The following C11orf91 variants were observed in gnomAD, a reference collection of about 807,000 sequenced individuals.
C11orf91 encodes chromosome 11 open reading frame 91, also known as uncharacterized protein C11orf91.
In C11orf91, 10 loss-of-function variants were observed where a neutral mutation model predicts 14.3. The ratio of observed to expected loss-of-function variants is 0.70; its 90% CI spans 0.43 to 1.18. The LOEUF (loss-of-function observed/expected upper bound fraction) is 1.18. Ranked by LOEUF, C11orf91 falls within the 50% of genes most tolerant of loss-of-function variation. The probability of loss-of-function intolerance (pLI) is 0.00; values close to 1 mark genes in which losing one functional copy is unlikely to be tolerated. For synonymous variants in C11orf91, 141 were observed against 130.6 expected (o/e 1.08, Z -0.54); for missense variants, 236 against 269.0 (o/e 0.88, Z 0.86).
chr11:33,701,845 T>A (rs1350466639), upstream of C11orf91, among the ~76,000 whole-genome samples: 3 of 151,728 alleles, frequency 2.0e-5, no homozygotes, highest in African/African-American at 7.3e-5. Context: ...TGCTTGACTT[T>A]TAAGTAGGTT....
upstream of C11orf91, among the ~76,000 whole-genome samples, chr11:33,701,722 T>C (rs940278674): frequency 4.0e-5 from 6 of 150,794 alleles, no homozygotes; most frequent in Non-Finnish European, 7.4e-5. Flanking sequence ...GTTAAATATA[T>C]ATATGCATAT....
rs1853096117 is a variant in C11orf91, at chr11:33,700,143, G to A, written c.496+102C>T. The A allele has an allele frequency of 6.2e-6, 8 of 1,288,530 alleles. No individual in the cohort carries two copies. The South Asian group carries it at 1.2e-4, about 19-fold the overall frequency. The allele number at this position is 1,288,530 out of a possible 1,614,324, so 79.8% of individuals were successfully genotyped here. On this transcript the variant is annotated intron_variant, in intron 1 of 1. Transcript: ENST00000379011. ...GATTTTGGATCTGGGACTACTGGGG[G>A]CTGGAGTCAAACCAGGCTACATTTC...
chr11:33,702,849 G>A, upstream of C11orf91: 1 of 189,534 alleles, frequency 5.3e-6, no homozygotes, highest in Non-Finnish European at 1.2e-5. Flanking sequence ...TATGTATTTG[G>A]CTGTGCGGCT....
At position 33,698,462 on chromosome 11, in the gene C11orf91, C is replaced by T. The variant is rs186192966; in HGVS notation, c.549G>A (p.Lys183=). The T allele has an allele frequency of 1.5e-5, 23 of 1,537,568 alleles. No individual in the cohort carries two copies. The African/African-American group carries it at 3.1e-4, about 21-fold the overall frequency. The change falls in exon 2 of 2, where the codon AAG becomes AAA. Residue 183 remains lysine, a synonymous_variant. Coordinates refer to ENST00000379011, the MANE Select transcript of C11orf91 (RefSeq NM_001166692.2). ...GAGAGGCCGACTTCTTTCCAGGTTG[C>T]TTGGTCTTCAGTCCTTGTAACTTTT... is the stretch of plus-strand genomic sequence containing the variant. ...KDEKLQGLKT[K]QPGKKSASLS
At chr11:33,700,843 G>T, upstream of C11orf91, 1 of 1,126,068 alleles carries the variant, frequency 8.9e-7, no homozygotes, top group Non-Finnish European at 1.1e-6. Flanking sequence ...CGCCCCGATG[G>T]AGCGCGGCCC....
upstream of C11orf91, among the ~76,000 whole-genome samples, chr11:33,702,242 C>T (rs1679495261): frequency 1.3e-5 from 2 of 152,076 alleles, no homozygotes; most frequent in Admixed American, 1.3e-4. Context: ...CTCTTGAGGC[C>T]AAGAGTTTGA....
chr11:33,699,667 C>A (rs1853087875), intron 1 of C11orf91: 1 of 456,194 alleles, frequency 2.2e-6, no homozygotes, highest in Non-Finnish European at 4.4e-6. Context: ...GGTGAGAGAA[C>A]TACCGGCGCC....
chr11:33,699,849 G>T (rs1410797024), intron 1 of C11orf91, among the ~76,000 whole-genome samples: 1 of 152,224 alleles, frequency 6.6e-6, no homozygotes, highest in Non-Finnish European at 1.5e-5. Flanking sequence ...CCCCGGTTTA[G>T]GACCGAACAT....
intron 1 of C11orf91, among the ~76,000 whole-genome samples, chr11:33,699,830 C>T (rs117358788): frequency 6.6e-6 from 1 of 152,194 alleles, no homozygotes; most frequent in African/African-American, 2.4e-5. Flanking sequence ...ACCTTCCCCC[C>T]ATGGAGAGCC....
At position 33,698,446 on chromosome 11, in the gene C11orf91, A is replaced by G. The variant is rs1853061975; in HGVS notation, c.565T>C (p.Ser189Pro). The G allele has an allele frequency of 1.3e-6, 2 of 1,537,278 alleles. No individual in the cohort carries two copies. Among genetic ancestry groups the G allele is most frequent in the Non-Finnish European group, 1.7e-6 (2 of 1,146,726 alleles). ...GLKTKQPGKK[S>P]ASLS ...GCAGCTCCTCAGGAGAGAGAGGCCG[A>G]CTTCTTTCCAGGTTGCTTGGTCTTC... is the stretch of plus-strand genomic sequence containing the variant. The change falls in exon 2 of 2, where the codon TCG becomes CCG. Residue 189 changes from serine to proline, a missense_variant. Coordinates refer to ENST00000379011, the MANE Select transcript of C11orf91 (RefSeq NM_001166692.2).
At chr11:33,703,505 C>A (rs547033862), upstream of C11orf91, 10 of 152,254 alleles carry the variant, frequency 6.6e-5, no homozygotes, top group African/African-American at 2.4e-4. Context: ...AGCTTCCTAA[C>A]GCCCCTGCTC....
chr11:33,699,155 T>A (rs937844412), intron 1 of C11orf91, among the ~76,000 whole-genome samples: 1 of 152,070 alleles, frequency 6.6e-6, no homozygotes, highest in African/African-American at 2.4e-5. Context: ...GAATACATAG[T>A]ATTATGTATG....
At chr11:33,698,638 T>C (rs1410569762) in intron 1 of C11orf91, 124 bp from the exon 2 acceptor site, 12 of 678,190 alleles carry the variant, frequency 1.8e-5, no homozygotes, top group South Asian at 1.7e-4. Context: ...TGATCCAAGA[T>C]GGGAGAGAAA....
At chr11:33,706,031 G>A in the C11orf91 span, 2 of 152,030 alleles carry the variant, frequency 1.3e-5, no homozygotes, top group Admixed American at 6.6e-5. Flanking sequence ...TAGGGAAACC[G>A]ATCACAGAAA....
In C11orf91 at chr11:33,700,358, G is replaced by A. The variant is rs888280078; in HGVS notation, c.383C>T (p.Ser128Leu). Reference protein sequence around the residue: ...VVASPLVPCPSTPRLASASHP... With the variant: ...VVASPLVPCPLTPRLASASHP... ...GGAGGCAGAGGCGAGCCTGGGGGTC[G>A]AGGGGCAGGGGACCAGGGGCGAGGC... Residue 128 changes from serine (S) to leucine (L), a missense_variant, in exon 1 of 2, where the codon TCG becomes TTG. Physicochemically the swap from Ser to Leu is moderately radical, Grantham distance 145. Transcript: ENST00000379011. The A allele has an allele frequency of 2.6e-6, 4 of 1,535,176 alleles. No individual in the cohort carries two copies. The African/African-American group carries it at 5.5e-5, about 21-fold the overall frequency.
In C11orf91 at chr11:33,700,439, A is replaced by T. The variant is rs1246108146; in HGVS notation, c.302T>A (p.Ile101Asn). ...PSPWPSGLAS[I>N]PYEPLRFFYS... ...GAAGAAGCGCAGAGGCTCGTAGGGG[A>T]TGGAGGCCAGGCCGGAGGGCCAGGG... The change falls in exon 1 of 2, where the codon ATC becomes AAC. Residue 101 changes from isoleucine to asparagine, a missense_variant. Physicochemically the swap from Ile to Asn is moderately radical, Grantham distance 149 (BLOSUM62 -3). Transcript: ENST00000379011. 4.7e-6 allele frequency: 6 copies of T among 1,278,684 alleles called. No individual in the cohort carries two copies. The highest frequency in any genetic ancestry group is 5.1e-6 in the Non-Finnish European group (5 of 988,472). 79.2% of individuals were successfully genotyped at this position (1,278,684 alleles called of 1,614,324 possible).
upstream of C11orf91, among the ~76,000 whole-genome samples, chr11:33,701,654 C>G (rs183401387): frequency 3.9e-5 from 6 of 152,178 alleles, no homozygotes; most frequent in African/African-American, 1.4e-4. Context: ...GCCTAATGAT[C>G]ACTGGTATGA....
upstream of C11orf91, among the ~76,000 whole-genome samples, chr11:33,701,078 T>A (rs1288579674): frequency 6.6e-6 from 1 of 152,128 alleles, no homozygotes; most frequent in African/African-American, 2.4e-5. Flanking sequence ...CATACCCTCA[T>A]CCAGAACAGG....
At chr11:33,699,172 T>C (rs1364851280) in intron 1 of C11orf91, among the ~76,000 whole-genome samples, 1 of 152,254 alleles carries the variant, frequency 6.6e-6, no homozygotes, top group East Asian at 1.9e-4. Context: ...TATGTATTCA[T>C]AGTTAAGAAA....
Sources: allele counts gnomAD v4.1 joint callset (sites outside exome capture counted in the v4.1 genomes callset), GRCh38; gene constraint gnomAD v4.1.1; transcripts MANE v1.5; gene names NCBI Gene and HGNC (gene_info 2026-07-23, HGNC 2026-07-21).